The following AKAP6 variants were observed in gnomAD, a reference collection of about 807,000 sequenced individuals.
AKAP6 encodes the protein A-kinase anchoring protein 6, also known as A-kinase anchor protein 6.
AKAP6 carries 58 observed loss-of-function variants against 188.5 expected under a neutral mutation model. The observed-to-expected ratio is 0.31, with a 90% CI of 0.25 to 0.38. The LOEUF (loss-of-function observed/expected upper bound fraction) is 0.38. Among genes scored for constraint, AKAP6 ranks in the 10% least tolerant of loss-of-function variants. The pLI is 1.00. For synonymous variants in AKAP6, 989 were observed against 998.6 expected, an observed-to-expected ratio of 0.99 and a Z score of 0.18; for missense variants, 2,710 against 2,740.0, an observed-to-expected ratio of 0.99 and a Z score of 0.24.
rs1887674280 is a variant in AKAP6 at position 32,361,836 on chromosome 14, G to A, written c.-35+32428G>A. On this transcript the variant is annotated intron_variant, in intron 1 of 13. Transcript: ENST00000280979. ...CAGTGGGGTGTTGCTATCCTTCACT[G>A]CTTAAAAAGGGCTCCCCTCCTGTTG... Among the ~76,000 whole-genome samples the A allele has an allele frequency of 7.9e-5, 12 of 152,092 alleles. 1 individual carries two copies. The highest frequency in any genetic ancestry group is 7.9e-4 in the Admixed American group (12 of 15,270).
chr14:32,464,227 C>T (rs552777075), intron 2 of AKAP6, among the ~76,000 whole-genome samples: 1 of 152,266 alleles, frequency 6.6e-6, no homozygotes, highest in South Asian at 2.1e-4. Context: ...AGAGGGAATC[C>T]TCGCTAACTC....
At chr14:32,813,975 A>T (rs1048688677) in intron 12 of AKAP6, among the ~76,000 whole-genome samples, 5 of 150,178 alleles carry the variant, frequency 3.3e-5, no homozygotes, top group Non-Finnish European at 7.4e-5. Flanking sequence ...GGTTTCCTGT[A>T]CATTCTATGA....
intron 4 of AKAP6, among the ~76,000 whole-genome samples, chr14:32,557,164 A>T (rs1883723978): frequency 6.6e-6 from 1 of 152,056 alleles, no homozygotes; most frequent in Non-Finnish European, 1.5e-5. Flanking sequence ...AGCTCACGTC[A>T]AGTCTCCACC....
intron 12 of AKAP6, among the ~76,000 whole-genome samples, chr14:32,813,157 G>T (rs1202914937): frequency 6.6e-6 from 1 of 152,086 alleles, no homozygotes; most frequent in East Asian, 1.9e-4. Flanking sequence ...TAACTTGCTA[G>T]AATTGCTAGA....
intron 1 of AKAP6, among the ~76,000 whole-genome samples, chr14:32,376,396 C>A (rs573478020): frequency 6.6e-6 from 1 of 152,138 alleles, no homozygotes; most frequent in Non-Finnish European, 1.5e-5. Context: ...CCTGCAATAT[C>A]ATTATTTGTG....
At chr14:32,362,527 G>C (rs1163960832) in intron 1 of AKAP6, among the ~76,000 whole-genome samples, 1 of 152,194 alleles carries the variant, frequency 6.6e-6, no homozygotes, top group East Asian at 1.9e-4. Context: ...GTGCATGCTT[G>C]TATGTATGTT....
In AKAP6 at chr14:32,833,425, C is replaced by CA. The variant is rs1230032317; in HGVS notation, c.*3626dup. The CA allele has an allele frequency of 6.6e-6, 1 of 152,018 alleles. No homozygotes were observed. Among genetic ancestry groups the CA allele is most frequent in the Non-Finnish European group, 1.5e-5 (1 of 68,014 alleles). The allele number at this position is 152,018 out of a possible 1,614,324, so 9.4% of individuals were successfully genotyped here. On this transcript the variant is annotated 3_prime_UTR_variant, in exon 14 of 14. Transcript: ENST00000280979. Reference sequence around the variant, plus strand: ...AAAATCTAGTGAGCAAAACGGTATACAAAAAATCATCTGGATCTGACTACC... The same window carrying CA: ...AAAATCTAGTGAGCAAAACGGTATACAAAAAAATCATCTGGATCTGACTACC...
intron 8 of AKAP6, among the ~76,000 whole-genome samples, chr14:32,684,996 C>T (rs911381832): frequency 1.3e-5 from 2 of 152,086 alleles, no homozygotes; most frequent in African/African-American, 4.8e-5. Flanking sequence ...TGGCTCACAC[C>T]TGTAATCCCA....
intron 4 of AKAP6, among the ~76,000 whole-genome samples, chr14:32,553,982 GA>G (rs1883591262): frequency 6.6e-6 from 1 of 152,176 alleles, no homozygotes. Flanking sequence ...ATACATTCAA[GA>G]AATAGAATAA....
chr14:32,651,374 T>G (rs992354104), intron 7 of AKAP6, among the ~76,000 whole-genome samples: 2 of 152,204 alleles, frequency 1.3e-5, no homozygotes, highest in African/African-American at 4.8e-5. Context: ...TAATGGAGTA[T>G]CTAATTGTTG....
intron 7 of AKAP6, among the ~76,000 whole-genome samples, chr14:32,644,360 A>G (rs151005899): frequency 4.8e-4 from 73 of 152,310 alleles, no homozygotes; most frequent in African/African-American, 1.6e-3. Context: ...TACCAAGTGT[A>G]TCTAGGCTAG....
At chr14:32,437,958 A>C (rs2138723414) in intron 2 of AKAP6, among the ~76,000 whole-genome samples, 1 of 152,162 alleles carries the variant, frequency 6.6e-6, no homozygotes, top group South Asian at 2.1e-4. Flanking sequence ...GTTTTCCCTA[A>C]GGACCTGAGC....
chr14:32,389,926 TC>T (rs1435529378), intron 1 of AKAP6, among the ~76,000 whole-genome samples: 7 of 152,130 alleles, frequency 4.6e-5, no homozygotes, highest in African/African-American at 1.7e-4. Flanking sequence ...CCTTGATTAT[TC>T]CCCCAGATAT....
chr14:32,792,067 T>C (rs1457953730), intron 12 of AKAP6, among the ~76,000 whole-genome samples: 1 of 152,212 alleles, frequency 6.6e-6, no homozygotes, highest in Non-Finnish European at 1.5e-5. Context: ...TGCCTCTAGC[T>C]TTGTTCTTTT....
At chr14:32,620,531 G>A (rs1388174649) in intron 7 of AKAP6, among the ~76,000 whole-genome samples, 4 of 151,952 alleles carry the variant, frequency 2.6e-5, no homozygotes, top group Non-Finnish European at 1.5e-5. Context: ...ATCATGATGA[G>A]TTATCTTTTT....
intron 1 of AKAP6, among the ~76,000 whole-genome samples, chr14:32,362,945 T>C (rs983124076): frequency 6.6e-6 from 1 of 152,124 alleles, no homozygotes; most frequent in Non-Finnish European, 1.5e-5. Flanking sequence ...CCAGTACTTC[T>C]GAGGTATATG....
chr14:32,580,094 A>G (rs184816842), intron 5 of AKAP6, among the ~76,000 whole-genome samples: 2 of 152,290 alleles, frequency 1.3e-5, no homozygotes, highest in Non-Finnish European at 2.9e-5. Flanking sequence ...TCATACTTTG[A>G]TACTTAATTC....
At chr14:32,648,903 A>T (rs1290341725) in intron 7 of AKAP6, among the ~76,000 whole-genome samples, 3 of 152,174 alleles carry the variant, frequency 2.0e-5, no homozygotes, top group Non-Finnish European at 4.4e-5. Context: ...CAAAAAAAAG[A>T]CATTGCATTT....
At chr14:32,712,301 A>G (rs2029922599) in intron 9 of AKAP6, among the ~76,000 whole-genome samples, 2 of 152,062 alleles carry the variant, frequency 1.3e-5, no homozygotes, top group Admixed American at 1.3e-4. Context: ...GCCTTCAGCA[A>G]GTCATAATCT....
Sources: gnomAD v4.1 joint callset for allele counts (sites outside exome capture counted in the v4.1 genomes callset) on GRCh38, gnomAD v4.1.1 for gene constraint, MANE v1.5 for transcripts, NCBI Gene and HGNC (gene_info 2026-07-23, HGNC 2026-07-21) for gene names.